Variants in CNTNAP2 observed in about 807,000 individuals in gnomAD.
CNTNAP2 encodes the protein contactin-associated protein-like 2.
In CNTNAP2, 98 loss-of-function variants were observed where a neutral mutation model predicts 155.2. That is an observed-to-expected ratio of 0.63 (90% CI 0.54 to 0.75). The LOEUF is 0.75. Among genes scored for constraint, CNTNAP2 ranks in the 30% least tolerant of loss-of-function variants. The probability of loss-of-function intolerance (pLI) is 0.00; values close to 1 mark genes in which losing one functional copy is unlikely to be tolerated. For synonymous variants in CNTNAP2, 651 were observed against 631.2 expected (o/e 1.03, Z -0.47); for missense variants, 1,727 against 1,688.1 (o/e 1.02, Z -0.40).
At chr7:147,671,772 A>G (rs143461975) in intron 13 of CNTNAP2, 2,503 of 152,320 alleles carry the variant, frequency 0.016, 223 homozygotes, top group Admixed American at 0.15. Flanking sequence ...ATCGAGCTCC[A>G]AAAGGGAAGG....
At chr7:147,434,503 C>T (rs537639983) in intron 10 of CNTNAP2, among the ~76,000 whole-genome samples, 27 of 152,150 alleles carry the variant, frequency 1.8e-4, no homozygotes, top group African/African-American at 3.1e-4. Context: ...AGCACTTTTC[C>T]GAAGGAAAAA....
intron 3 of CNTNAP2, among the ~76,000 whole-genome samples, chr7:147,038,401 A>G (rs527394284): frequency 5.7e-4 from 87 of 152,300 alleles, no homozygotes; most frequent in African/African-American, 1.5e-3. Flanking sequence ...GTATTAGTCA[A>G]TGTTATTTCA....
At chr7:147,191,051 GAAAGA>G (rs1802670603) in intron 8 of CNTNAP2, among the ~76,000 whole-genome samples, 1 of 152,064 alleles carries the variant, frequency 6.6e-6, no homozygotes, top group East Asian at 1.9e-4. Flanking sequence ...AAATGAGAAA[GAAAGA>G]AAAGAAGAAA....
chr7:147,636,531 C>T (rs1453191594), intron 12 of CNTNAP2, among the ~76,000 whole-genome samples: 1 of 152,084 alleles, frequency 6.6e-6, no homozygotes, highest in Non-Finnish European at 1.5e-5. Flanking sequence ...ACCTATCAAC[C>T]TGTCATCTAG....
chr7:147,956,542 A>G (rs1325398583), intron 14 of CNTNAP2, among the ~76,000 whole-genome samples: 2 of 152,184 alleles, frequency 1.3e-5, no homozygotes, highest in Non-Finnish European at 2.9e-5. Flanking sequence ...TCTGCCGCTG[A>G]CACCCTTGCC....
chr7:147,788,967 T>C (rs946624882), intron 13 of CNTNAP2, among the ~76,000 whole-genome samples: 2 of 147,732 alleles, frequency 1.4e-5, no homozygotes, highest in Non-Finnish European at 3.0e-5. Flanking sequence ...TAAAGTGGTG[T>C]GATCTTGGCT....
At chr7:148,152,817 G>C in intron 17 of CNTNAP2, among the ~76,000 whole-genome samples, 1 of 152,042 alleles carries the variant, frequency 6.6e-6, no homozygotes, top group Non-Finnish European at 1.5e-5. Context: ...TCAGGAGATC[G>C]AGACCATCCT....
At chr7:147,691,215 A>G (rs902578818) in intron 13 of CNTNAP2, among the ~76,000 whole-genome samples, 1 of 152,080 alleles carries the variant, frequency 6.6e-6, no homozygotes, top group African/African-American at 2.4e-5. Context: ...GATTTTCTCA[A>G]TTTTTTGTAC....
intron 13 of CNTNAP2, among the ~76,000 whole-genome samples, chr7:147,705,574 A>G (rs1796297784): frequency 6.6e-6 from 1 of 152,180 alleles, no homozygotes; most frequent in South Asian, 2.1e-4. Context: ...CATTTGGTCA[A>G]GTGTGCAGTT....
intron 1 of CNTNAP2, among the ~76,000 whole-genome samples, chr7:146,565,058 AGG>A (rs1798336871): frequency 6.6e-6 from 1 of 152,072 alleles, no homozygotes; most frequent in Admixed American, 6.6e-5. Context: ...TTTCACTCTA[AGG>A]CTTATTATTT....
chr7:148,261,659 G>A (rs1015964357), intron 20 of CNTNAP2, among the ~76,000 whole-genome samples: 5 of 152,194 alleles, frequency 3.3e-5, no homozygotes, highest in Admixed American at 3.3e-4. Flanking sequence ...GCCCTCTGGA[G>A]TGCAGGTGGG....
intron 1 of CNTNAP2, among the ~76,000 whole-genome samples, chr7:146,244,223 C>T (rs2116931768): frequency 6.6e-6 from 1 of 152,302 alleles, no homozygotes; most frequent in African/African-American, 2.4e-5. Context: ...TATTTATTTA[C>T]TTCAAGAGTT....
At chr7:147,679,332 G>T (rs1297071891) in intron 13 of CNTNAP2, among the ~76,000 whole-genome samples, 1 of 151,878 alleles carries the variant, frequency 6.6e-6, no homozygotes, top group East Asian at 1.9e-4. Context: ...GAAATAGTCT[G>T]CCAATCATCT....
At chr7:148,349,974 T>C (rs1798399434) in intron 21 of CNTNAP2, among the ~76,000 whole-genome samples, 1 of 152,152 alleles carries the variant, frequency 6.6e-6, no homozygotes, top group South Asian at 2.1e-4. Context: ...TTGAAGTTTA[T>C]TATGAGTTGA....
chr7:146,405,823 A>T (rs1795783129), intron 1 of CNTNAP2, among the ~76,000 whole-genome samples: 1 of 152,262 alleles, frequency 6.6e-6, no homozygotes, highest in African/African-American at 2.4e-5. Context: ...TGTTAAAAAA[A>T]AGTTTAACCT....
chr7:148,270,555 AG>A lies in CNTNAP2; in HGVS notation c.3475+3431del, dbSNP rs546348625. ...CTCATAGTTCCACCATATACTAACA[AG>A]GAGCAAGTGCTCAATAAATATTTGT... On this transcript the variant is annotated intron_variant, in intron 21 of 23. Transcript: ENST00000361727. 7.2e-5 allele frequency among the ~76,000 whole-genome samples: 11 copies of A among 152,340 alleles called. No homozygotes were observed. In the South Asian group the frequency reaches 2.3e-3, roughly 32 times the overall value.
intron 17 of CNTNAP2, among the ~76,000 whole-genome samples, chr7:148,168,537 G>T (rs576867609): frequency 7.8e-6 from 1 of 128,118 alleles, no homozygotes; most frequent in East Asian, 2.4e-4. Flanking sequence ...ACAGGAAGGG[G>T]AACATCACAC....
intron 18 of CNTNAP2, among the ~76,000 whole-genome samples, chr7:148,193,218 G>C (rs1380896208): frequency 1.3e-5 from 2 of 152,268 alleles, no homozygotes; most frequent in East Asian, 1.9e-4. Flanking sequence ...TGAGAGGTTA[G>C]GTACTAAATT....
intron 14 of CNTNAP2, among the ~76,000 whole-genome samples, chr7:147,945,629 A>C (rs1391127492): frequency 1.3e-5 from 2 of 151,916 alleles, no homozygotes; most frequent in African/African-American, 4.8e-5. Flanking sequence ...CATGCCTACA[A>C]CACCTCGAAG....
Sources: allele counts gnomAD v4.1 joint callset (sites outside exome capture counted in the v4.1 genomes callset), GRCh38; gene constraint gnomAD v4.1.1; transcripts MANE v1.5; gene names NCBI Gene and HGNC (gene_info 2026-07-23, HGNC 2026-07-21).